PDE4D: variants seen among roughly 807,000 people sequenced by gnomAD.
PDE4D encodes the protein phosphodiesterase 4D, also known as 3',5'-cyclic-AMP phosphodiesterase 4D.
PDE4D carries 24 observed loss-of-function variants against 87.4 expected under a neutral mutation model. The ratio of observed to expected loss-of-function variants is 0.27; its 90% CI spans 0.20 to 0.39. The LOEUF is 0.39. Ranked by LOEUF, PDE4D falls within the 10% of genes least tolerant of loss-of-function variation. PDE4D has a pLI of 1.00. For missense variants in PDE4D, 714 were observed against 1,041.0 expected (o/e 0.69, Z 4.32); for synonymous variants, 384 against 383.2 (o/e 1.00, Z -0.02).
intron 2 of PDE4D, among the ~76,000 whole-genome samples, chr5:60,045,054 A>T (rs1769039282): frequency 2.0e-5 from 3 of 152,138 alleles, no homozygotes; most frequent in African/African-American, 7.2e-5. Flanking sequence ...AATGATCACC[A>T]TTCTAACTGG....
At chr5:60,047,983 T>C (rs1183657800) in intron 2 of PDE4D, among the ~76,000 whole-genome samples, 1 of 152,194 alleles carries the variant, frequency 6.6e-6, no homozygotes, top group Non-Finnish European at 1.5e-5. Flanking sequence ...TCTCCCATTA[T>C]TAATGTGTGG....
chr5:59,574,100 A>T (rs377229254), intron 1 of PDE4D, among the ~76,000 whole-genome samples: 14 of 2,100 alleles, frequency 6.7e-3, no homozygotes, highest in Admixed American at 0.024. Flanking sequence ...ATATAAATAT[A>T]TATTTATATA....
intron 1 of PDE4D, among the ~76,000 whole-genome samples, chr5:60,263,920 T>C (rs983631453): frequency 6.6e-6 from 1 of 151,608 alleles, no homozygotes; most frequent in Non-Finnish European, 1.5e-5. Context: ...ATAAAAATAA[T>C]ATCACTACAT....
chr5:59,535,082 G>C (rs940600032), intron 1 of PDE4D, among the ~76,000 whole-genome samples: 1 of 148,110 alleles, frequency 6.8e-6, no homozygotes, highest in Non-Finnish European at 1.5e-5. Flanking sequence ...TGTGTGGGGG[G>C]GGGGTCCTCT....
intron 1 of PDE4D, among the ~76,000 whole-genome samples, chr5:60,428,381 A>C (rs1743901095): frequency 6.6e-6 from 1 of 152,132 alleles, no homozygotes; most frequent in South Asian, 2.1e-4. Flanking sequence ...CAACAGAGGA[A>C]CAAAAAACAG....
intron 3 of PDE4D, among the ~76,000 whole-genome samples, chr5:59,188,067 T>C (rs767289566): frequency 3.3e-5 from 5 of 152,134 alleles, no homozygotes; most frequent in Non-Finnish European, 7.4e-5. Context: ...CTGAAGCCCC[T>C]AAGTTAAAGT....
chr5:60,073,427 A>G (rs1404297696), intron 2 of PDE4D, among the ~76,000 whole-genome samples: 1 of 150,192 alleles, frequency 6.7e-6, no homozygotes, highest in Non-Finnish European at 1.5e-5. Context: ...TTTGTTGAAG[A>G]TTATTGTATG....
chr5:59,270,378 G>T (rs1377805229), intron 1 of PDE4D, among the ~76,000 whole-genome samples: 1 of 152,056 alleles, frequency 6.6e-6, no homozygotes, highest in Non-Finnish European at 1.5e-5. Context: ...TTTCAAAGCT[G>T]ATCTTAGATG....
chr5:60,350,458 A>C (rs1322722691), intron 1 of PDE4D, among the ~76,000 whole-genome samples: 9 of 152,142 alleles, frequency 5.9e-5, no homozygotes, highest in Admixed American at 1.3e-4. Context: ...CTTCTCATGC[A>C]CTGGTTACCT....
chr5:59,914,940 G>C (rs1355996550), intron 3 of PDE4D, among the ~76,000 whole-genome samples: 1 of 149,288 alleles, frequency 6.7e-6, no homozygotes, highest in Non-Finnish European at 1.5e-5. Flanking sequence ...GAAAGGAAAA[G>C]AAATTGAAGA....
intron 1 of PDE4D, among the ~76,000 whole-genome samples, chr5:60,517,566 T>C (rs563578875): frequency 2.0e-5 from 3 of 152,164 alleles, no homozygotes; most frequent in Non-Finnish European, 4.4e-5. Context: ...AGAGAGGAGC[T>C]ACCCACTGTA....
chr5:60,403,810 G>C (rs1385028186), intron 1 of PDE4D, among the ~76,000 whole-genome samples: 1 of 152,192 alleles, frequency 6.6e-6, no homozygotes, highest in African/African-American at 2.4e-5. Context: ...TGTCAAGAAA[G>C]TATTGTGAAA....
At chr5:59,898,112 G>T (rs1751857480), upstream of PDE4D, among the ~76,000 whole-genome samples, 1 of 152,142 alleles carries the variant, frequency 6.6e-6, no homozygotes, top group African/African-American at 2.4e-5. Context: ...CAATTAATAT[G>T]AAACTAAGAA....
At chr5:59,701,959 G>C (rs1307305235) in intron 1 of PDE4D, among the ~76,000 whole-genome samples, 1 of 152,122 alleles carries the variant, frequency 6.6e-6, no homozygotes, top group East Asian at 1.9e-4. Context: ...TAACATAGAG[G>C]TCATGGCAAA....
chr5:59,771,654 A>C (rs968645457), intron 1 of PDE4D, among the ~76,000 whole-genome samples: 1 of 152,226 alleles, frequency 6.6e-6, no homozygotes, highest in African/African-American at 2.4e-5. Flanking sequence ...GCTTACAAAG[A>C]GTAAACTATT....
intron 1 of PDE4D, among the ~76,000 whole-genome samples, chr5:59,687,489 G>C (rs111850554): frequency 6.6e-6 from 1 of 152,122 alleles, no homozygotes; most frequent in Non-Finnish European, 1.5e-5. Flanking sequence ...CATAAGTGAA[G>C]GAGAAATAAA....
chr5:60,512,725 A>C (rs2150257202), intron 1 of PDE4D, among the ~76,000 whole-genome samples: 1 of 152,314 alleles, frequency 6.6e-6, no homozygotes, highest in East Asian at 1.9e-4. Context: ...AGAAAAATAA[A>C]AGCTGAGAGA....
At chr5:60,245,202 T>C (rs1198190793) in intron 1 of PDE4D, among the ~76,000 whole-genome samples, 1 of 151,482 alleles carries the variant, frequency 6.6e-6, no homozygotes, top group Non-Finnish European at 1.5e-5. Context: ...CTCAACATCA[T>C]TGAGAAATGC....
At chr5:60,281,672 T>G in intron 1 of PDE4D, among the ~76,000 whole-genome samples, 1 of 152,162 alleles carries the variant, frequency 6.6e-6, no homozygotes. Context: ...GAAATGTTAA[T>G]TATTAACTTA....
Sources: allele counts gnomAD v4.1 joint callset (sites outside exome capture counted in the v4.1 genomes callset), GRCh38; gene constraint gnomAD v4.1.1; transcripts MANE v1.5; gene names NCBI Gene and HGNC (gene_info 2026-07-23, HGNC 2026-07-21).